The following GPM6A variants were observed in gnomAD, a reference collection of about 807,000 sequenced individuals.
GPM6A encodes neuronal membrane glycoprotein M6-a.
GPM6A carries 7 observed loss-of-function variants against 32.1 expected under a neutral mutation model. The observed-to-expected ratio is 0.22, with a 90% CI of 0.12 to 0.41. GPM6A has a LOEUF of 0.41. GPM6A is among the 10% of genes least tolerant of loss of function. GPM6A has a pLI of 1.00. For synonymous variants in GPM6A, 130 were observed against 123.4 expected (o/e 1.05, Z -0.35); for missense variants, 235 against 347.2 (o/e 0.68, Z 2.57).
chr4:175,704,543 C>G (rs2111072988), intron 1 of GPM6A, among the ~76,000 whole-genome samples: 1 of 152,248 alleles, frequency 6.6e-6, no homozygotes, highest in East Asian at 1.9e-4. Flanking sequence ...TATTCTGTCT[C>G]TTGATGTTCT....
chr4:175,659,850 T>A (rs1038128181), intron 3 of GPM6A, among the ~76,000 whole-genome samples: 2 of 152,160 alleles, frequency 1.3e-5, no homozygotes, highest in African/African-American at 4.8e-5. Flanking sequence ...AACAATAGTG[T>A]GAATGTAAGG....
At chr4:175,807,564 CAAGA>C (rs1734743207) in intron 1 of GPM6A, 1 of 152,192 alleles carries the variant, frequency 6.6e-6, no homozygotes, top group African/African-American at 2.4e-5. Flanking sequence ...TCCCCGTTCT[CAAGA>C]AAGAAGGCCA....
At chr4:175,936,334 A>C (rs1039203883) in intron 1 of GPM6A, among the ~76,000 whole-genome samples, 16 of 145,230 alleles carry the variant, frequency 1.1e-4, no homozygotes, top group Admixed American at 8.9e-4. Context: ...AAAAAAAAAA[A>C]AACTATACAT....
chr4:175,810,707 C>T (rs529611049), intron 1 of GPM6A, among the ~76,000 whole-genome samples: 6 of 152,160 alleles, frequency 3.9e-5, no homozygotes, highest in African/African-American at 1.4e-4. Context: ...GCAAATTGAT[C>T]GGCCAATAAG....
At chr4:175,784,074 C>A (rs1263856154) in intron 1 of GPM6A, among the ~76,000 whole-genome samples, 1 of 151,978 alleles carries the variant, frequency 6.6e-6, no homozygotes, top group African/African-American at 2.4e-5. Context: ...AACACCTTAG[C>A]CAAGTGATCA....
chr4:175,685,075 G>A (rs764576087), intron 2 of GPM6A, among the ~76,000 whole-genome samples: 12 of 151,968 alleles, frequency 7.9e-5, no homozygotes, highest in Admixed American at 3.3e-4. Flanking sequence ...TTTTTTAGTA[G>A]AGACGGGGTT....
chr4:175,946,355 C>G (rs1739606222), intron 1 of GPM6A, among the ~76,000 whole-genome samples: 1 of 152,172 alleles, frequency 6.6e-6, no homozygotes, highest in African/African-American at 2.4e-5. Flanking sequence ...TATCAAGCAC[C>G]TGCCTTGTGT....
chr4:175,732,187 G>A (rs1329601178), intron 1 of GPM6A, among the ~76,000 whole-genome samples: 1 of 150,122 alleles, frequency 6.7e-6, no homozygotes, highest in African/African-American at 2.4e-5. Flanking sequence ...GGATGGTCTC[G>A]ATCTCCTGAC....
At chr4:175,903,574 AAAC>A (rs1738034127) in intron 1 of GPM6A, among the ~76,000 whole-genome samples, 1 of 152,170 alleles carries the variant, frequency 6.6e-6, no homozygotes, top group Non-Finnish European at 1.5e-5. Flanking sequence ...ATTTTAGGAC[AAAC>A]AACAACGTGC....
At chr4:175,760,511 T>C (rs1732697626) in intron 1 of GPM6A, among the ~76,000 whole-genome samples, 1 of 152,182 alleles carries the variant, frequency 6.6e-6, no homozygotes, top group Admixed American at 6.5e-5. Flanking sequence ...TTTATGAATA[T>C]ATGCTCAAAA....
intron 1 of GPM6A, chr4:175,811,939 A>G (rs1734935570): frequency 2.9e-6 from 1 of 350,454 alleles, no homozygotes; most frequent in Non-Finnish European, 5.1e-6. Context: ...GGAATAGTTC[A>G]CTACAATACC....
intron 1 of GPM6A, among the ~76,000 whole-genome samples, chr4:175,973,385 T>A (rs546287911): frequency 2.1e-4 from 32 of 152,382 alleles, no homozygotes; most frequent in African/African-American, 7.7e-4. Flanking sequence ...ATTGTTGTTT[T>A]CAGTAAGGTC....
chr4:175,916,194 G>A (rs72704518), intron 1 of GPM6A, among the ~76,000 whole-genome samples: 22 of 152,170 alleles, frequency 1.4e-4, no homozygotes, highest in South Asian at 1.2e-3. Context: ...TCCCTTTCCC[G>A]CATGCCACTT....
intron 1 of GPM6A, among the ~76,000 whole-genome samples, chr4:175,851,792 A>G (rs1307349327): frequency 6.6e-6 from 1 of 152,208 alleles, no homozygotes; most frequent in Non-Finnish European, 1.5e-5. Context: ...TTTGGTTTGC[A>G]GTTCAATAAT....
chr4:175,726,590 T>C (rs1448138685), intron 1 of GPM6A, among the ~76,000 whole-genome samples: 1 of 152,206 alleles, frequency 6.6e-6, no homozygotes, highest in Non-Finnish European at 1.5e-5. Flanking sequence ...CACTCTATGT[T>C]GGTTATCTAT....
At chr4:175,958,622 G>A (rs1222192473) in intron 1 of GPM6A, among the ~76,000 whole-genome samples, 1 of 152,174 alleles carries the variant, frequency 6.6e-6, no homozygotes, top group Non-Finnish European at 1.5e-5. Context: ...GAGGTCTCTG[G>A]AGAATGCTTG....
chr4:175,733,551 T>C (rs1192841154), intron 1 of GPM6A, among the ~76,000 whole-genome samples: 1 of 152,134 alleles, frequency 6.6e-6, no homozygotes, highest in African/African-American at 2.4e-5. Context: ...TTGCCCTTTG[T>C]TGTTGCTGTT....
chr4:175,675,591 A>G (rs1743317802), intron 2 of GPM6A, among the ~76,000 whole-genome samples: 1 of 151,982 alleles, frequency 6.6e-6, no homozygotes, highest in African/African-American at 2.4e-5. Flanking sequence ...TTGAACTTCT[A>G]ATTTCCTTCA....
intron 1 of GPM6A, among the ~76,000 whole-genome samples, chr4:175,882,586 T>C (rs1737315852): frequency 6.6e-6 from 1 of 152,168 alleles, no homozygotes; most frequent in Admixed American, 6.5e-5. Context: ...ATTTATTTTA[T>C]CCTATTTTTC....
Sources: allele counts gnomAD v4.1 joint callset (sites outside exome capture counted in the v4.1 genomes callset), GRCh38; gene constraint gnomAD v4.1.1; transcripts MANE v1.5; gene names NCBI Gene and HGNC (gene_info 2026-07-23, HGNC 2026-07-21).